PDE3A: variants seen among roughly 807,000 people sequenced by gnomAD.
The protein encoded by PDE3A is phosphodiesterase 3A.
PDE3A carries 43 observed loss-of-function variants against 98.3 expected under a neutral mutation model. The observed-to-expected ratio is 0.44, with a 90% CI of 0.34 to 0.56. The LOEUF is 0.56. Ranked by LOEUF, PDE3A falls within the 20% of genes least tolerant of loss-of-function variation. The pLI is 0.01. For missense variants in PDE3A, 1,427 were observed against 1,440.7 expected, an observed-to-expected ratio of 0.99 and a Z score of 0.15; for synonymous variants, 663 against 567.9, an observed-to-expected ratio of 1.17 and a Z score of -2.38.
intron 1 of PDE3A, among the ~76,000 whole-genome samples, chr12:20,405,197 T>G (rs1944210952): frequency 6.6e-6 from 1 of 152,140 alleles, no homozygotes; most frequent in African/African-American, 2.4e-5. Flanking sequence ...TTTCTCTATC[T>G]TTGCTGTGTG....
At chr12:20,395,401 C>A (rs980042987) in intron 1 of PDE3A, among the ~76,000 whole-genome samples, 3 of 150,632 alleles carry the variant, frequency 2.0e-5, no homozygotes, top group Admixed American at 6.7e-5. Context: ...AAATGAATTT[C>A]TTGAATATAA....
chr12:20,613,999 G>A (rs925883520), intron 3 of PDE3A, among the ~76,000 whole-genome samples: 2 of 152,066 alleles, frequency 1.3e-5, no homozygotes, highest in South Asian at 2.1e-4. Context: ...AGGTGATAAG[G>A]ATATTGCAAC....
intron 1 of PDE3A, among the ~76,000 whole-genome samples, chr12:20,481,938 G>C: frequency 6.7e-6 from 1 of 148,208 alleles, no homozygotes; most frequent in South Asian, 2.1e-4. Flanking sequence ...CTAATTTTTT[G>C]TATTTTTTGT....
intron 2 of PDE3A, among the ~76,000 whole-genome samples, chr12:20,606,706 A>C (rs1943717779): frequency 6.6e-6 from 1 of 151,860 alleles, no homozygotes; most frequent in Non-Finnish European, 1.5e-5. Flanking sequence ...TAAAAATACA[A>C]AATTAGTTGG....
chr12:20,455,816 G>A (rs919039829), intron 1 of PDE3A, among the ~76,000 whole-genome samples: 2 of 152,144 alleles, frequency 1.3e-5, no homozygotes, highest in Non-Finnish European at 2.9e-5. Flanking sequence ...TCTAAGAGGT[G>A]GAGAGTAGAA....
At chr12:20,580,801 A>G (rs1050350732) in intron 2 of PDE3A, among the ~76,000 whole-genome samples, 1 of 152,174 alleles carries the variant, frequency 6.6e-6, no homozygotes, top group East Asian at 1.9e-4. Context: ...CCCTCTGCAC[A>G]CTCGCATGTT....
intron 1 of PDE3A, among the ~76,000 whole-genome samples, chr12:20,400,306 C>T (rs958633594): frequency 1.5e-4 from 22 of 150,260 alleles, no homozygotes; most frequent in African/African-American, 4.2e-4. Flanking sequence ...AGTAGCACAG[C>T]CAGACACTGA....
In PDE3A at chr12:20,634,858, C is replaced by T. The variant is rs751739852; in HGVS notation, c.1847-44C>T. 11 of 1,492,684 alleles carry T rather than the reference C, an allele frequency of 7.4e-6. No homozygotes were observed. The African/African-American group carries it at 1.1e-4, about 15-fold the overall frequency. The allele number at this position is 1,492,684 out of a possible 1,614,324, so 92.5% of individuals were successfully genotyped here. ...AAATTTGCTTAAATGAGCCCCCTTT[C>T]CCCATTGTAGATCTTGTAATAAGTT... is the stretch of plus-strand genomic sequence containing the variant. On this transcript the variant is annotated intron_variant, in intron 7 of 15. Transcript: ENST00000359062.
At chr12:20,409,029 A>C (rs1316092206) in intron 1 of PDE3A, among the ~76,000 whole-genome samples, 1 of 152,058 alleles carries the variant, frequency 6.6e-6, no homozygotes, top group African/African-American at 2.4e-5. Context: ...ATGAAATTTC[A>C]TGCAAATTCA....
intron 4 of PDE3A, among the ~76,000 whole-genome samples, chr12:20,617,693 C>A (rs955026452): frequency 2.0e-4 from 30 of 152,152 alleles, no homozygotes; most frequent in African/African-American, 7.0e-4. Flanking sequence ...GCTAAGTTTC[C>A]TGTCATAGTA....
At position 20,493,188 on chromosome 12, in the gene PDE3A, G is replaced by A. The variant is rs1318126277; in HGVS notation, c.961-63472G>A. On this transcript the variant is annotated intron_variant, in intron 1 of 15. Transcript: ENST00000359062. Reference sequence around the variant, plus strand: ...TATGAATTATGAATTAATTTTACATGCACCTTTTAGCTGTTTCTGATTTTT... The same window carrying A: ...TATGAATTATGAATTAATTTTACATACACCTTTTAGCTGTTTCTGATTTTT... Among the ~76,000 whole-genome samples, 8 of 152,144 alleles carry A rather than the reference G, an allele frequency of 5.3e-5. No individual in the cohort carries two copies. In the South Asian group the frequency reaches 1.5e-3, roughly 28 times the overall value.
At chr12:20,510,604 TTGA>T (rs1946203346) in intron 1 of PDE3A, among the ~76,000 whole-genome samples, 1 of 151,968 alleles carries the variant, frequency 6.6e-6, no homozygotes, top group South Asian at 2.1e-4. Flanking sequence ...AGGCAAAGGA[TTGA>T]TGAAACTATA....
chr12:20,419,736 G>GTTT (rs1355196559), intron 1 of PDE3A, among the ~76,000 whole-genome samples: 16 of 53,126 alleles, frequency 3.0e-4, no homozygotes, highest in East Asian at 1.6e-3. Flanking sequence ...ATTTAATATT[G>GTTT]TATTTTTTTT....
chr12:20,653,785 A>T (rs1184467944), intron 14 of PDE3A, among the ~76,000 whole-genome samples, 162 bp from the exon 15 acceptor site: 1 of 152,192 alleles, frequency 6.6e-6, no homozygotes, highest in African/African-American at 2.4e-5. Context: ...AAGTTCAGAA[A>T]AGTACTAATT....
chr12:20,503,085 C>T (rs1591995282), intron 1 of PDE3A, among the ~76,000 whole-genome samples: 1 of 152,092 alleles, frequency 6.6e-6, no homozygotes, highest in East Asian at 1.9e-4. Flanking sequence ...TCATTATCAT[C>T]ATGACCGTTT....
intron 1 of PDE3A, among the ~76,000 whole-genome samples, chr12:20,412,018 T>C (rs1317162977): frequency 6.6e-6 from 1 of 152,194 alleles, no homozygotes; most frequent in Non-Finnish European, 1.5e-5. Context: ...AGCATACTTA[T>C]GATCTATCCA....
At chr12:20,619,348 G>A (rs12581101) in intron 4 of PDE3A, among the ~76,000 whole-genome samples, 14,910 of 151,792 alleles carry the variant, frequency 0.098, 837 homozygotes, top group East Asian at 0.2. Flanking sequence ...GAAAAAAATA[G>A]TAAATTGTTG....
chr12:20,435,183 C>G (rs139885915), intron 1 of PDE3A, among the ~76,000 whole-genome samples: 1 of 152,158 alleles, frequency 6.6e-6, no homozygotes, highest in African/African-American at 2.4e-5. Context: ...TAGGGAATCC[C>G]CACTGCATTC....
intron 1 of PDE3A, among the ~76,000 whole-genome samples, chr12:20,502,795 G>A (rs1448237157): frequency 1.3e-5 from 2 of 152,136 alleles, no homozygotes; most frequent in South Asian, 4.1e-4. Flanking sequence ...CAGAATCACA[G>A]TTCAGTGCTT....
Sources: gnomAD v4.1 joint callset for allele counts (sites outside exome capture counted in the v4.1 genomes callset) on GRCh38, gnomAD v4.1.1 for gene constraint, MANE v1.5 for transcripts, NCBI Gene and HGNC (gene_info 2026-07-23, HGNC 2026-07-21) for gene names.